Variants in GRIK3 observed in about 807,000 individuals in gnomAD.
The protein encoded by GRIK3 is glutamate ionotropic receptor kainate type subunit 3.
A neutral mutation model predicts 102.5 loss-of-function variants in GRIK3; 29 were observed. That is an observed-to-expected ratio of 0.28 (90% CI 0.21 to 0.39). The LOEUF (loss-of-function observed/expected upper bound fraction) is 0.39, where lower values mean the gene tolerates loss of function less well. GRIK3 is among the 10% of genes least tolerant of loss of function. The pLI is 1.00. For missense variants in GRIK3, 908 were observed against 1,252.4 expected, an observed-to-expected ratio of 0.73 and a Z score of 4.15; for synonymous variants, 511 against 504.9, an observed-to-expected ratio of 1.01 and a Z score of -0.16.
intron 1 of GRIK3, among the ~76,000 whole-genome samples, chr1:36,988,003 G>T (rs943716162): frequency 3.3e-5 from 5 of 152,160 alleles, no homozygotes; most frequent in Admixed American, 1.3e-4. Flanking sequence ...GAAAACCTGA[G>T]CCTGAGGCCG....
chr1:37,009,058 T>G (rs932757333), intron 1 of GRIK3, among the ~76,000 whole-genome samples: 1 of 149,218 alleles, frequency 6.7e-6, no homozygotes, highest in Non-Finnish European at 1.5e-5. Context: ...AATTTCCTCA[T>G]CTGTAAAATG....
chr1:36,869,463 C>T (rs1032909130), intron 5 of GRIK3, among the ~76,000 whole-genome samples: 5 of 152,194 alleles, frequency 3.3e-5, no homozygotes, highest in African/African-American at 1.2e-4. Flanking sequence ...GAGGAAGAAA[C>T]TGAGGCAGGG....
intron 13 of GRIK3, among the ~76,000 whole-genome samples, chr1:36,814,898 T>A (rs1041727466): frequency 7.9e-5 from 12 of 152,150 alleles, no homozygotes; most frequent in Admixed American, 3.3e-4. Context: ...ATCACAGAGA[T>A]GCATCACACA....
intron 2 of GRIK3, among the ~76,000 whole-genome samples, chr1:36,887,873 G>C (rs1463088773): frequency 6.6e-6 from 1 of 151,014 alleles, no homozygotes; most frequent in Non-Finnish European, 1.5e-5. Context: ...GAAACCACCA[G>C]AATGGCCAAA....
chr1:37,028,660 C>T lies in GRIK3; in HGVS notation c.115+5334G>A, dbSNP rs549257852. 4.6e-5 allele frequency among the ~76,000 whole-genome samples: 7 copies of T among 152,272 alleles called. No individual in the cohort carries two copies. The South Asian group carries it at 1.2e-3, about 27-fold the overall frequency. ...GAATGGGGAGTGGGGGTAGGGGCAC[C>T]GCATTCAGCCCCTTAAAAACTGTTT... On this transcript the variant is annotated intron_variant, in intron 1 of 15. Transcript: ENST00000373091.
intron 1 of GRIK3, among the ~76,000 whole-genome samples, chr1:36,907,251 A>T (rs372410994): frequency 2.6e-5 from 4 of 152,170 alleles, no homozygotes; most frequent in Non-Finnish European, 5.9e-5. Context: ...CAAAGACAGG[A>T]TGCTGGAGTT....
chr1:36,816,652 C>T (rs937270228), intron 13 of GRIK3, among the ~76,000 whole-genome samples: 3 of 152,200 alleles, frequency 2.0e-5, no homozygotes, highest in African/African-American at 4.8e-5. Context: ...GCTGCTGTCT[C>T]CCCAACCTCA....
intron 11 of GRIK3, among the ~76,000 whole-genome samples, chr1:36,822,853 C>T (rs1199448562): frequency 6.6e-6 from 1 of 152,162 alleles, no homozygotes. Flanking sequence ...TGAGAAAGCA[C>T]CCCCTGCTCC....
At chr1:36,875,251 G>T (rs1157738672) in intron 3 of GRIK3, among the ~76,000 whole-genome samples, 1 of 152,160 alleles carries the variant, frequency 6.6e-6, no homozygotes, top group East Asian at 1.9e-4. Context: ...TTCATCCCAG[G>T]TTTTTGTTTG....
chr1:36,928,703 C>T (rs990768844), intron 1 of GRIK3, among the ~76,000 whole-genome samples: 18 of 152,272 alleles, frequency 1.2e-4, no homozygotes, highest in African/African-American at 3.6e-4. Flanking sequence ...TAGACTTCAG[C>T]GTGGCAAAAG....
At position 36,850,266 on chromosome 1, in the gene GRIK3, C is replaced by T; in HGVS notation, c.1326+45G>A. 1 of 1,278,866 alleles carries T rather than the reference C, an allele frequency of 7.8e-7. No individual in the cohort carries two copies. The highest frequency in any genetic ancestry group is 1.1e-6 in the Non-Finnish European group (1 of 873,938). 79.2% of individuals were successfully genotyped at this position (1,278,866 alleles called of 1,614,324 possible). A position where few individuals can be genotyped will look rare whatever the true frequency, so the allele number is the denominator to read the frequency against. On this transcript the variant is annotated intron_variant, in intron 9 of 15. Coordinates refer to ENST00000373091, the MANE Select transcript of GRIK3 (RefSeq NM_000831.4). This position sits in a 1 kb window ranked among gnomAD's most constrained non-coding sequence, Gnocchi z 4.0. ...CTCTCCAGCCCGAACGGCCACCCCA[C>T]CCCCAGGTCGGACAGTCCTTCCTGC...
At chr1:36,802,778 G>A (rs1182672829) in intron 15 of GRIK3, among the ~76,000 whole-genome samples, 1 of 152,182 alleles carries the variant, frequency 6.6e-6, no homozygotes, top group Non-Finnish European at 1.5e-5. Flanking sequence ...AGTGAGGCCA[G>A]GGCACTAGCA....
intron 1 of GRIK3, among the ~76,000 whole-genome samples, chr1:36,930,494 G>A (rs1641575565): frequency 6.6e-6 from 1 of 152,174 alleles, no homozygotes; most frequent in Non-Finnish European, 1.5e-5. Context: ...GAAAATGGAG[G>A]CCAATACAGG....
intron 1 of GRIK3, among the ~76,000 whole-genome samples, chr1:37,033,254 C>A (rs971954688): frequency 2.0e-5 from 3 of 152,234 alleles, no homozygotes; most frequent in African/African-American, 4.8e-5. Flanking sequence ...CCGCCAGCTG[C>A]GGAGGAATTC....
intron 13 of GRIK3, among the ~76,000 whole-genome samples, chr1:36,809,203 T>C (rs1642533363): frequency 6.6e-6 from 1 of 151,552 alleles, no homozygotes; most frequent in African/African-American, 2.4e-5. Flanking sequence ...CCACCCATCA[T>C]CCATCCATCC....
intron 9 of GRIK3, among the ~76,000 whole-genome samples, chr1:36,843,517 G>A (rs1402768026): frequency 6.6e-6 from 1 of 152,184 alleles, no homozygotes; most frequent in Non-Finnish European, 1.5e-5. Flanking sequence ...ACAGTGATGG[G>A]ATCCAGTTCC....
chr1:37,015,864 G>A (rs1329288504), intron 1 of GRIK3, among the ~76,000 whole-genome samples: 2 of 152,250 alleles, frequency 1.3e-5, no homozygotes, highest in African/African-American at 4.8e-5. Flanking sequence ...GCCACTGCGA[G>A]GACTACAGGG....
At chr1:36,908,316 GA>G (rs1294386284) in intron 1 of GRIK3, among the ~76,000 whole-genome samples, 3 of 152,212 alleles carry the variant, frequency 2.0e-5, no homozygotes, top group African/African-American at 7.2e-5. Context: ...AGTGTTGCTG[GA>G]GATGGGGAAG....
intron 2 of GRIK3, among the ~76,000 whole-genome samples, chr1:36,883,735 TG>T (rs1218793516): frequency 6.6e-6 from 1 of 151,740 alleles, no homozygotes; most frequent in Non-Finnish European, 1.5e-5. Flanking sequence ...GCACAGGCCC[TG>T]GGAAAGGGTC....
Sources: gnomAD v4.1 joint callset for allele counts (sites outside exome capture counted in the v4.1 genomes callset) on GRCh38, gnomAD v4.1.1 for gene constraint, Gnocchi (gnomAD v3.1) non-coding constraint, MANE v1.5 for transcripts, NCBI Gene and HGNC (gene_info 2026-07-23, HGNC 2026-07-21) for gene names.